Variants in DCC observed in about 807,000 individuals in gnomAD.
DCC encodes the protein netrin receptor DCC.
In DCC, 58 loss-of-function variants were observed where a neutral mutation model predicts 172.5. That is an observed-to-expected ratio of 0.34 (90% CI 0.27 to 0.42). The LOEUF is 0.42. Ranked by LOEUF, DCC falls within the 10% of genes least tolerant of loss-of-function variation. The pLI, the probability that DCC is intolerant of heterozygous loss-of-function variation, is 1.00. For synonymous variants in DCC, 709 were observed against 644.5 expected (o/e 1.10, Z -1.52); for missense variants, 1,740 against 1,791.0 (o/e 0.97, Z 0.51).
At chr18:52,686,981 G>A (rs1281556894) in intron 1 of DCC, among the ~76,000 whole-genome samples, 1 of 151,952 alleles carries the variant, frequency 6.6e-6, no homozygotes, top group Non-Finnish European at 1.5e-5. Context: ...ATTCTTCCAG[G>A]ATCCTTTTCC....
intron 12 of DCC, among the ~76,000 whole-genome samples, chr18:53,290,994 CCT>C (rs1242522153): frequency 1.3e-5 from 2 of 151,890 alleles, no homozygotes; most frequent in East Asian, 1.9e-4. Context: ...CGGTGAAACC[CCT>C]GTCTCTACTA....
At chr18:52,938,698 T>C (rs1174381359) in intron 5 of DCC, among the ~76,000 whole-genome samples, 1 of 152,078 alleles carries the variant, frequency 6.6e-6, no homozygotes, top group Non-Finnish European at 1.5e-5. Context: ...AATAAGTAAA[T>C]AGGATTTGGT....
intron 1 of DCC, among the ~76,000 whole-genome samples, chr18:52,735,559 A>G (rs563068226): frequency 1.2e-4 from 18 of 152,260 alleles, no homozygotes; most frequent in African/African-American, 4.1e-4. Context: ...AGGGAAGCTG[A>G]GAGTGCAGCC....
chr18:53,055,730 A>C (rs1307981581), intron 5 of DCC, among the ~76,000 whole-genome samples: 1 of 152,154 alleles, frequency 6.6e-6, no homozygotes, highest in Non-Finnish European at 1.5e-5. Context: ...GGAGAAAGTA[A>C]ACTAGAGAGA....
At chr18:52,571,665 A>C (rs2033295585) in intron 1 of DCC, among the ~76,000 whole-genome samples, 1 of 152,144 alleles carries the variant, frequency 6.6e-6, no homozygotes, top group East Asian at 1.9e-4. Flanking sequence ...TTGTTGCCAC[A>C]GGCACAAAAC....
At chr18:52,932,281 G>A (rs2040317588) in intron 5 of DCC, among the ~76,000 whole-genome samples, 1 of 152,000 alleles carries the variant, frequency 6.6e-6, no homozygotes, top group Non-Finnish European at 1.5e-5. Flanking sequence ...TTCTGTATCT[G>A]CCCATCCCCA....
At chr18:52,774,687 C>T (rs928548697) in intron 2 of DCC, among the ~76,000 whole-genome samples, 1 of 151,986 alleles carries the variant, frequency 6.6e-6, no homozygotes, top group African/African-American at 2.4e-5. Context: ...AGCATACAGT[C>T]GGGTCCTGGT....
intron 7 of DCC, among the ~76,000 whole-genome samples, chr18:53,128,274 G>C (rs1382151326): frequency 1.3e-5 from 2 of 151,992 alleles, no homozygotes; most frequent in African/African-American, 4.8e-5. Context: ...ATGTTTATTT[G>C]TCTCTAAGTT....
intron 3 of DCC, among the ~76,000 whole-genome samples, chr18:52,915,913 T>C (rs1200133062): frequency 6.6e-6 from 1 of 152,130 alleles, no homozygotes; most frequent in Non-Finnish European, 1.5e-5. Context: ...TCTCAAAGTA[T>C]GGTAGATACC....
At chr18:52,423,769 T>C (rs1264546321) in intron 1 of DCC, among the ~76,000 whole-genome samples, 1 of 152,180 alleles carries the variant, frequency 6.6e-6, no homozygotes, top group Non-Finnish European at 1.5e-5. Flanking sequence ...AGGAGGGATC[T>C]TGAAATGTAT....
intron 1 of DCC, among the ~76,000 whole-genome samples, chr18:52,684,682 G>A (rs988892837): frequency 6.6e-6 from 1 of 152,038 alleles, no homozygotes; most frequent in African/African-American, 2.4e-5. Flanking sequence ...AGCTAGGGAT[G>A]AAGGCATGAA....
At chr18:53,007,273 A>T (rs1324238379) in intron 5 of DCC, among the ~76,000 whole-genome samples, 2 of 152,194 alleles carry the variant, frequency 1.3e-5, no homozygotes, top group Non-Finnish European at 2.9e-5. Flanking sequence ...ACCCAAGATG[A>T]CAATGATAAA....
chr18:52,558,517 T>C (rs1190751942), intron 1 of DCC, among the ~76,000 whole-genome samples: 1 of 152,170 alleles, frequency 6.6e-6, no homozygotes, highest in East Asian at 1.9e-4. Context: ...CATATTCCTC[T>C]CCAGATTGCA....
chr18:53,371,315 A>T (rs570698567), intron 15 of DCC, among the ~76,000 whole-genome samples: 1 of 152,140 alleles, frequency 6.6e-6, no homozygotes, highest in African/African-American at 2.4e-5. Context: ...ACCTAAAGTT[A>T]TTCTAGGGCT....
At chr18:52,871,962 T>A (rs2039326869) in intron 2 of DCC, among the ~76,000 whole-genome samples, 1 of 152,152 alleles carries the variant, frequency 6.6e-6, no homozygotes, top group Non-Finnish European at 1.5e-5. Context: ...TGGGTTACCT[T>A]AACTGTGGCT....
chr18:52,340,994 G>A, intron 1 of DCC, 116 bp downstream of exon 1: 1 of 858,230 alleles, frequency 1.2e-6, no homozygotes, highest in Non-Finnish European at 2.0e-6. Flanking sequence ...TTTGGCGCTT[G>A]CGCTGCCCCC....
intron 2 of DCC, among the ~76,000 whole-genome samples, chr18:52,778,320 T>TG (rs2037471186): frequency 1.3e-5 from 2 of 152,232 alleles, no homozygotes; most frequent in South Asian, 4.1e-4. Flanking sequence ...TTGCATGCCT[T>TG]GGGAATGTCT....
chr18:53,376,506 G>A (rs1907298541), intron 15 of DCC, among the ~76,000 whole-genome samples: 1 of 152,168 alleles, frequency 6.6e-6, no homozygotes, highest in Non-Finnish European at 1.5e-5. Context: ...ACTCACCAAC[G>A]TAGAGCCAAC....
intron 8 of DCC, among the ~76,000 whole-genome samples, chr18:53,160,382 C>A (rs1458293265): frequency 2.6e-5 from 4 of 152,148 alleles, no homozygotes; most frequent in Non-Finnish European, 5.9e-5. Flanking sequence ...TTGATCCTAT[C>A]CCTTATAGTT....
Sources: allele counts gnomAD v4.1 joint callset (sites outside exome capture counted in the v4.1 genomes callset), GRCh38; gene constraint gnomAD v4.1.1; transcripts MANE v1.5; gene names NCBI Gene and HGNC (gene_info 2026-07-23, HGNC 2026-07-21).